Variants in PROS1 observed in about 807,000 individuals in gnomAD.
PROS1 encodes vitamin K-dependent protein S.
Under a neutral mutation model 75.9 loss-of-function variants are expected in PROS1, and 29 were observed. That is an observed-to-expected ratio of 0.38 (90% CI 0.28 to 0.52). PROS1 has a LOEUF of 0.52. Ranked by LOEUF, PROS1 falls within the 20% of genes least tolerant of loss-of-function variation. PROS1 has a pLI of 0.83. For missense variants in PROS1, 680 were observed against 810.3 expected (o/e 0.84, Z 1.95); for synonymous variants, 245 against 280.6 (o/e 0.87, Z 1.27).
chr3:93,940,140 T>C (rs1305752822), intron 1 of PROS1, among the ~76,000 whole-genome samples: 1 of 152,180 alleles, frequency 6.6e-6, no homozygotes, highest in African/African-American at 2.4e-5. Context: ...TCCTAAGCCA[T>C]GTCCCATCTG....
At chr3:93,933,012 A>T (rs778328586) in intron 1 of PROS1, among the ~76,000 whole-genome samples, 4 of 152,176 alleles carry the variant, frequency 2.6e-5, no homozygotes, top group Non-Finnish European at 4.4e-5. Context: ...TCTCTCTTTT[A>T]GTTCTGCTTT....
intron 1 of PROS1, among the ~76,000 whole-genome samples, chr3:93,937,139 T>C (rs1709195700): frequency 6.6e-6 from 1 of 152,106 alleles, no homozygotes; most frequent in African/African-American, 2.4e-5. Context: ...AGCTACTGCC[T>C]TAAAATCCGA....
At position 93,906,098 on chromosome 3, in the gene PROS1, T is replaced by A; in HGVS notation, c.392A>T (p.Tyr131Phe). 3 of 1,614,084 alleles carry A rather than the reference T, an allele frequency of 1.9e-6. No homozygotes were observed. The highest frequency in any genetic ancestry group is 2.5e-6 in the Non-Finnish European group (3 of 1,179,980). Residue 131 changes from tyrosine to phenylalanine, a missense_variant, in exon 5 of 15, where the codon TAT (tyrosine) becomes TTT (phenylalanine). Physicochemically the swap from Tyr to Phe is conservative, Grantham distance 22. Coordinates refer to ENST00000394236, the MANE Select transcript of PROS1 (RefSeq NM_000313.4). ...AGCTTTTCCATCTTTGCAGCTCATA[T>A]ATCCATCTTCATTGCATGGCAGAGG... ...CSPLPCNEDGYMSCKDGKASF... is the reference protein window; with the variant it reads ...CSPLPCNEDGFMSCKDGKASF...
intron 1 of PROS1, among the ~76,000 whole-genome samples, chr3:93,941,164 T>C (rs1262588877): frequency 1.3e-5 from 2 of 152,124 alleles, no homozygotes; most frequent in Non-Finnish European, 2.9e-5. Context: ...TTTCTCATGA[T>C]TTACTTTCTT....
intron 14 of PROS1, among the ~76,000 whole-genome samples, chr3:93,876,619 A>G (rs1576171789): frequency 7.0e-6 from 1 of 142,878 alleles, no homozygotes; most frequent in South Asian, 2.3e-4. Context: ...AAAAAGCTGG[A>G]TAAATGATAA....
At position 93,934,111 on chromosome 3, in the gene PROS1, C is replaced by T. The variant is rs947597623; in HGVS notation, c.77-6704G>A. 6.0e-5 allele frequency among the ~76,000 whole-genome samples: 9 copies of T among 150,044 alleles called. No individual in the cohort carries two copies. The East Asian group carries it at 7.9e-4, about 13-fold the overall frequency. ...AGGAGAATCACTTGAACCCAGGAGGCGGAGGCTGGAGTGAGCAGAGATTGC... is the reference window on the plus strand; with the variant it reads ...AGGAGAATCACTTGAACCCAGGAGGTGGAGGCTGGAGTGAGCAGAGATTGC... On this transcript the variant is annotated intron_variant, in intron 1 of 14. Transcript: ENST00000394236.
At chr3:93,895,644 T>G (rs1242556975) in intron 9 of PROS1, among the ~76,000 whole-genome samples, 2 of 152,138 alleles carry the variant, frequency 1.3e-5, no homozygotes, top group African/African-American at 2.4e-5. Flanking sequence ...TTCTCATTAT[T>G]CCAAAAAAAA....
rs191548045 is a variant in PROS1, at chr3:93,912,444, A to T, written c.260-1739T>A. On this transcript the variant is annotated intron_variant, in intron 3 of 14. Transcript: ENST00000394236. Reference sequence around the variant, plus strand: ...AAGTTCTAAGGATTAGGACATAGATATGTCTGGGGCGGGGAGGGGCAGGCA... The same window carrying T: ...AAGTTCTAAGGATTAGGACATAGATTTGTCTGGGGCGGGGAGGGGCAGGCA... Among the ~76,000 whole-genome samples the T allele has an allele frequency of 3.5e-3, 530 of 152,214 alleles. 5 individuals are homozygous for T. Among genetic ancestry groups the T allele is most frequent in the African/African-American group, 0.012 (488 of 41,520 alleles).
At chr3:93,904,242 T>C (rs1708640530) in intron 6 of PROS1, among the ~76,000 whole-genome samples, 1 of 152,134 alleles carries the variant, frequency 6.6e-6, no homozygotes, top group Admixed American at 6.5e-5. Context: ...TGGTTCCAAG[T>C]CTCTGCTATT....
At chr3:93,904,787 C>G (rs1437256018) in intron 6 of PROS1, among the ~76,000 whole-genome samples, 1 of 151,452 alleles carries the variant, frequency 6.6e-6, no homozygotes, top group African/African-American at 2.4e-5. Context: ...ATTAACACAG[C>G]CAAACTGAAA....
chr3:93,942,191 G>T (rs557734096), intron 1 of PROS1, among the ~76,000 whole-genome samples: 2 of 152,124 alleles, frequency 1.3e-5, no homozygotes, highest in East Asian at 3.9e-4. Context: ...TATCATTGAG[G>T]CTACCGCTCT....
intron 1 of PROS1, among the ~76,000 whole-genome samples, chr3:93,970,639 G>A (rs1208678669): frequency 4.6e-5 from 7 of 151,956 alleles, no homozygotes; most frequent in East Asian, 3.9e-4. Context: ...GGCTATGACC[G>A]GGTGACAGTA....
At chr3:93,933,108 CT>C (rs1163894153) in intron 1 of PROS1, among the ~76,000 whole-genome samples, 1 of 152,158 alleles carries the variant, frequency 6.6e-6, no homozygotes, top group Non-Finnish European at 1.5e-5. Flanking sequence ...AGAAGAGAGT[CT>C]TTGGCTAGCA....
rs149562859 is a variant in PROS1 at position 93,932,572 on chromosome 3, C to T, written c.77-5165G>A. Among the ~76,000 whole-genome samples the T allele has an allele frequency of 8.9e-3, 1,361 of 152,206 alleles. 15 individuals carry two copies. The highest frequency in any genetic ancestry group is 0.029 in the African/African-American group (1,198 of 41,508). On this transcript the variant is annotated intron_variant, in intron 1 of 14. Transcript: ENST00000394236. ...TTTTAACTTATCTGAGTCACTCCTT[C>T]AAAATAATGACCAAAGCAGGTGGAA... is the stretch of plus-strand genomic sequence containing the variant.
At chr3:93,947,939 T>C (rs1330212324) in intron 1 of PROS1, among the ~76,000 whole-genome samples, 1 of 152,178 alleles carries the variant, frequency 6.6e-6, no homozygotes, top group African/African-American at 2.4e-5. Flanking sequence ...AATTTTCACA[T>C]AGGCACCTAA....
chr3:93,958,581 C>A (rs1440912331), intron 1 of PROS1: 1 of 152,208 alleles, frequency 6.6e-6, no homozygotes, highest in Non-Finnish European at 1.5e-5. Context: ...TGTCCCCATC[C>A]AAATCTCATC....
At chr3:93,888,077 G>T (rs753012684) in intron 10 of PROS1, among the ~76,000 whole-genome samples, 2 of 152,164 alleles carry the variant, frequency 1.3e-5, no homozygotes, top group Non-Finnish European at 2.9e-5. Context: ...ACAATCATCT[G>T]AGTTTGTGCA....
intron 1 of PROS1, among the ~76,000 whole-genome samples, chr3:93,940,561 C>A (rs1329867874): frequency 6.6e-6 from 1 of 152,086 alleles, no homozygotes; most frequent in South Asian, 2.1e-4. Flanking sequence ...ACCTTCCCAG[C>A]TCCCTTATTA....
intron 3 of PROS1, among the ~76,000 whole-genome samples, chr3:93,918,019 G>T (rs375870988): frequency 6.6e-6 from 1 of 152,194 alleles, no homozygotes; most frequent in Non-Finnish European, 1.5e-5. Context: ...CCCAGTGCAG[G>T]ATCCACTGGG....
Sources: allele counts gnomAD v4.1 joint callset (sites outside exome capture counted in the v4.1 genomes callset), GRCh38; gene constraint gnomAD v4.1.1; transcripts MANE v1.5; gene names NCBI Gene and HGNC (gene_info 2026-07-23, HGNC 2026-07-21).